The following CDH12 variants were observed in gnomAD, a reference collection of about 807,000 sequenced individuals.
CDH12 encodes cadherin 12, also known as cadherin-12.
In CDH12, 41 loss-of-function variants were observed where a neutral mutation model predicts 74.1. That is an observed-to-expected ratio of 0.55 (90% CI 0.43 to 0.72). The LOEUF (loss-of-function observed/expected upper bound fraction) is 0.72. CDH12 is among the 30% of genes least tolerant of loss of function. The pLI, the probability that CDH12 is intolerant of heterozygous loss-of-function variation, is 0.00. For missense variants in CDH12, 945 were observed against 977.2 expected (o/e 0.97, Z 0.44); for synonymous variants, 399 against 355.0 (o/e 1.12, Z -1.39).
intron 1 of CDH12, among the ~76,000 whole-genome samples, chr5:22,613,010 G>C (rs1217588366): frequency 6.6e-6 from 1 of 152,038 alleles, no homozygotes; most frequent in African/African-American, 2.4e-5. Context: ...ACTTTATCTG[G>C]AAATTCTGCC....
At chr5:22,174,397 T>C (rs1359163270) in intron 4 of CDH12, among the ~76,000 whole-genome samples, 1 of 152,008 alleles carries the variant, frequency 6.6e-6, no homozygotes. Context: ...CCTAATAGTT[T>C]GTCAACACAT....
intron 5 of CDH12, among the ~76,000 whole-genome samples, chr5:21,981,557 T>C (rs28535901): frequency 0.019 from 2,884 of 152,228 alleles, 84 homozygotes; most frequent in African/African-American, 0.065. Flanking sequence ...CTCTATTTCA[T>C]AGGATCATAG....
At chr5:21,833,534 T>TATATAATATATGGCATATGTG (rs1561226374) in intron 8 of CDH12, among the ~76,000 whole-genome samples, 1 of 84,006 alleles carries the variant, frequency 1.2e-5, no homozygotes, top group African/African-American at 7.0e-5. Flanking sequence ...TGTCATATAT[T>TATATAATATATGGCATATGTG]ATATGTAATA....
chr5:22,155,977 T>C (rs948348403), intron 4 of CDH12, among the ~76,000 whole-genome samples: 7 of 152,250 alleles, frequency 4.6e-5, no homozygotes, highest in African/African-American at 1.7e-4. Context: ...TAGAGTCTGA[T>C]ATGGGAGGTT....
intron 5 of CDH12, among the ~76,000 whole-genome samples, chr5:21,981,598 T>C (rs1454069336): frequency 6.6e-6 from 1 of 152,126 alleles, no homozygotes; most frequent in African/African-American, 2.4e-5. Flanking sequence ...CCCTTACATC[T>C]CCTTCCGTTT....
rs1215011040 is a variant in CDH12 at position 21,819,004 on chromosome 5, G to T, written c.815-1872C>A. On this transcript the variant is annotated intron_variant, in intron 8 of 14. Transcript: ENST00000382254. ...CTTAACATAGTAGCTGTCATTTAGG[G>T]ATGCTTAATGTTTGCTGAACTTAAA... Among the ~76,000 whole-genome samples the T allele has an allele frequency of 2.0e-5, 3 of 151,870 alleles. No homozygotes were observed. The East Asian group carries it at 5.8e-4, about 29-fold the overall frequency.
At chr5:21,781,785 A>G (rs1231010652) in intron 11 of CDH12, among the ~76,000 whole-genome samples, 1 of 151,238 alleles carries the variant, frequency 6.6e-6, no homozygotes, top group East Asian at 1.9e-4. Context: ...ATAGAGATTT[A>G]TGCATTTTAA....
At chr5:22,491,611 AAAAAAAAAAAC>A (rs1379086366) in intron 2 of CDH12, among the ~76,000 whole-genome samples, 4,227 of 10,182 alleles carry the variant, frequency 0.42, 102 homozygotes, top group Middle Eastern at 0.47. Context: ...GCTAATGAGC[AAAAAAAAAAAC>A]AAAAAAAAAA....
rs191424689 is a variant in CDH12, at chr5:22,278,650, A to G, written c.-332-66007T>C. 3.0e-3 allele frequency among the ~76,000 whole-genome samples: 461 copies of G among 152,230 alleles called. 3 individuals are homozygous for G. The highest frequency in any genetic ancestry group is 4.1e-3 in the Non-Finnish European group (282 of 68,018). On this transcript the variant is annotated intron_variant, in intron 3 of 14. Coordinates refer to ENST00000382254, the MANE Select transcript of CDH12 (RefSeq NM_004061.5). ...AAATGCTTTCTTAACCGTGATATAC[A>G]TATTAATTATTACCCAATGATCTCT...
chr5:22,753,905 T>G lies in CDH12; in HGVS notation c.-523+99153A>C, dbSNP rs1421585388. On this transcript the variant is annotated intron_variant, in intron 1 of 14. Transcript: ENST00000382254. ...ATAAAAATCCCTATTATCTAACTTC[T>G]GTTGCAATTATTATGCCTATTCCTT... 2.0e-5 allele frequency among the ~76,000 whole-genome samples: 3 copies of G among 152,166 alleles called. 1 individual carries two copies. Among genetic ancestry groups the G allele is most frequent in the South Asian group, 4.1e-4 (2 of 4,828 alleles).
intron 1 of CDH12, among the ~76,000 whole-genome samples, chr5:22,810,424 AT>A (rs922895924): frequency 1.4e-3 from 211 of 151,434 alleles, no homozygotes; most frequent in African/African-American, 3.1e-3. Context: ...TTCTCACATC[AT>A]TTTTTTTTAA....
At chr5:22,262,715 A>C (rs1023158283) in intron 3 of CDH12, among the ~76,000 whole-genome samples, 2 of 151,820 alleles carry the variant, frequency 1.3e-5, no homozygotes, top group African/African-American at 4.8e-5. Context: ...TGGTTGAACT[A>C]GTTTACAGTC....
intron 1 of CDH12, among the ~76,000 whole-genome samples, chr5:22,756,769 G>T (rs1462885464): frequency 6.6e-6 from 1 of 152,046 alleles, no homozygotes; most frequent in Non-Finnish European, 1.5e-5. Context: ...AGACCAGCCT[G>T]GCCAAGATGG....
chr5:22,718,439 A>G (rs1002760689), intron 1 of CDH12, among the ~76,000 whole-genome samples: 2 of 152,192 alleles, frequency 1.3e-5, no homozygotes, highest in Admixed American at 6.5e-5. Context: ...TTTCCATGTC[A>G]CTGAGCTTTG....
chr5:21,802,245 A>G lies in CDH12; in HGVS notation c.1178T>C (p.Val393Ala). The G allele has an allele frequency of 6.2e-7, 1 of 1,613,712 alleles. No homozygotes were observed. Among genetic ancestry groups the G allele is most frequent in the Non-Finnish European group, 8.5e-7 (1 of 1,179,890 alleles). Reference sequence around the variant, plus strand: ...GGTCCCTACCGGAGTGTCTTCATAAACCTCCATGGTGTAGAGCGGCTTGCT... The same window carrying G: ...GGTCCCTACCGGAGTGTCTTCATAAGCCTCCATGGTGTAGAGCGGCTTGCT... ...VFSKPLYTME[V>A]YEDTPVGTII... Residue 393 changes from valine (V) to alanine (A), a missense_variant, in exon 10 of 15, where the codon GTT (valine) becomes GCT (alanine). This residue lies in a region of CDH12 where 791 missense variants were observed against 792.8 expected (regional missense o/e 1.00). Transcript: ENST00000382254.
At chr5:22,091,826 C>A (rs1743451158) in intron 4 of CDH12, among the ~76,000 whole-genome samples, 1 of 151,816 alleles carries the variant, frequency 6.6e-6, no homozygotes, top group East Asian at 2.0e-4. Flanking sequence ...CTGCAATAAG[C>A]ATGACAATGT....
intron 1 of CDH12, among the ~76,000 whole-genome samples, chr5:22,805,054 G>A (rs1748711913): frequency 6.6e-6 from 1 of 152,108 alleles, no homozygotes. Flanking sequence ...AATGTAAAAT[G>A]CTATAATGAT....
intron 6 of CDH12, among the ~76,000 whole-genome samples, chr5:21,890,143 G>A (rs3857321): frequency 0.72 from 109,225 of 152,000 alleles, 40,498 homozygotes; most frequent in Non-Finnish European, 0.8. Context: ...GGGTGTATGT[G>A]TATGTCTTAC....
intron 1 of CDH12, among the ~76,000 whole-genome samples, chr5:22,774,169 T>G (rs1215617422): frequency 1.3e-5 from 2 of 152,148 alleles, no homozygotes; most frequent in Non-Finnish European, 2.9e-5. Flanking sequence ...TATATATTCA[T>G]GCACATGTAT....
Sources: allele counts gnomAD v4.1 joint callset (sites outside exome capture counted in the v4.1 genomes callset), GRCh38; gene constraint gnomAD v4.1.1; regional missense constraint gnomAD v4.1.1; transcripts MANE v1.5; gene names NCBI Gene and HGNC (gene_info 2026-07-23, HGNC 2026-07-21).